DHRS9: variants seen among roughly 807,000 people sequenced by gnomAD.
DHRS9 encodes dehydrogenase/reductase SDR family member 9.
DHRS9 carries 18 observed loss-of-function variants against 26.6 expected under a neutral mutation model. The ratio of observed to expected loss-of-function variants is 0.68; its 90% confidence interval spans 0.47 to 1.00. DHRS9 has a LOEUF of 1.00. Ranked by LOEUF, DHRS9 falls within the 50% of genes least tolerant of loss-of-function variation. The probability of loss-of-function intolerance (pLI) is 0.00; values close to 1 mark genes in which losing one functional copy is unlikely to be tolerated. For synonymous variants in DHRS9, 134 were observed against 141.1 expected (o/e 0.95, Z 0.36); for missense variants, 425 against 378.7 (o/e 1.12, Z -1.01).
At chr2:169,095,190 T>C (rs1040133247) in intron 4 of DHRS9, among the ~76,000 whole-genome samples, 2 of 152,120 alleles carry the variant, frequency 1.3e-5, no homozygotes, top group African/African-American at 4.8e-5. Context: ...GGGATCAAAG[T>C]TTGATCCCTG....
At chr2:169,079,910 GGAGGGAGGGGGAGAGAGA>G (rs2105287575) in intron 1 of DHRS9, among the ~76,000 whole-genome samples, 1 of 63,156 alleles carries the variant, frequency 1.6e-5, no homozygotes, top group African/African-American at 9.7e-5. Flanking sequence ...AGGGAGGGAG[GGAGGGAGGGGGAGAGAGA>G]GAGAGAGAGA....
chr2:169,091,904 G>A lies in DHRS9; in HGVS notation c.687G>A (p.Gln229=). Residue 229 remains glutamine (Q), a synonymous_variant, in exon 4 of 5, where the codon CAG becomes CAA. Transcript: ENST00000674881. ...VIEKKLAIWE[Q]LSPDIKQQYG... Reference sequence around the variant, plus strand: ...AAAAAAAACTCGCCATTTGGGAGCAGCTGTCTCCAGACATCAAACAACAAT... The same window carrying A: ...AAAAAAAACTCGCCATTTGGGAGCAACTGTCTCCAGACATCAAACAACAAT... 6.2e-7 allele frequency: 1 copy of A among 1,614,068 alleles called. No homozygotes were observed. The highest frequency in any genetic ancestry group is 8.5e-7 in the Non-Finnish European group (1 of 1,180,002).
intron 2 of DHRS9, 28 bp from the exon 3 acceptor site, chr2:169,083,301 C>A (rs1558953112): frequency 6.2e-7 from 1 of 1,608,914 alleles, no homozygotes; most frequent in South Asian, 1.1e-5. Context: ...TGTCTTACCA[C>A]ACCTCTTTTC....
Position 169,081,627 on chromosome 2 carries a change from T to C in DHRS9, c.46T>C (p.Trp16Arg). 6.2e-7 allele frequency: 1 copy of C among 1,614,152 alleles called. No homozygotes were observed. The highest frequency in any genetic ancestry group is 8.5e-7 in the Non-Finnish European group (1 of 1,180,012). The change falls in exon 2 of 5, where the codon TGG becomes CGG. Residue 16 changes from tryptophan (W) to arginine (R), a missense_variant. Physicochemically the swap from Trp to Arg is moderately radical, Grantham distance 101 (BLOSUM62 -3). Coordinates refer to ENST00000674881, the MANE Select transcript of DHRS9 (RefSeq NM_001376924.1). ...LGLLILCGFL[W>R]TRKGKLKIED... is the part of the protein sequence containing the mutation. ...CCTCCTAATCCTCTGTGGTTTTCTG[T>C]GGACTCGTAAAGGAAAACTAAAGAT...
upstream of DHRS9, chr2:169,067,346 G>A (rs1683674300): frequency 2.0e-6 from 3 of 1,504,612 alleles, no homozygotes; most frequent in East Asian, 5.0e-5. Flanking sequence ...GTAGTTGCAG[G>A]AAGCCTAACG....
chr2:169,070,881 G>A (rs1156936972), intron 1 of DHRS9: 6 of 336,634 alleles, frequency 1.8e-5, no homozygotes, highest in South Asian at 1.2e-4. Flanking sequence ...TGGCTAACAC[G>A]GTGAAACCTG....
In DHRS9 at chr2:169,095,131, C is replaced by T. The variant is rs535542517; in HGVS notation, c.737-413C>T. Among the ~76,000 whole-genome samples, 9 of 152,238 alleles carry T rather than the reference C, an allele frequency of 5.9e-5. No individual in the cohort carries two copies. The South Asian group carries it at 1.9e-3, about 32-fold the overall frequency. On this transcript the variant is annotated intron_variant, in intron 4 of 4. Transcript: ENST00000674881. ...ACATACAACTTTCTAGGCTTAGGGG[C>T]CTCATGGGCTTTATGAAGTATCGTT...
At chr2:169,086,759 G>A (rs766166875) in intron 3 of DHRS9, among the ~76,000 whole-genome samples, 2 of 152,146 alleles carry the variant, frequency 1.3e-5, no homozygotes, top group East Asian at 1.9e-4. Flanking sequence ...GCTCATAGAG[G>A]TACCACCTTG....
intron 1 of DHRS9, among the ~76,000 whole-genome samples, chr2:169,076,715 C>T (rs1186148921): frequency 1.3e-5 from 2 of 152,138 alleles, no homozygotes; most frequent in Admixed American, 6.6e-5. Flanking sequence ...GGGATTGGGG[C>T]GCCAGTGCCC....
chr2:169,091,869 A>G lies in DHRS9; in HGVS notation c.652A>G (p.Lys218Glu). 1 of 1,614,026 alleles carries G rather than the reference A, an allele frequency of 6.2e-7. No homozygotes were observed. ...CAAAACAAACTTGGCAGATCCAGTA[A>G]AGGTAATTGAAAAAAAACTCGCCAT... Reference protein sequence around the residue: ...LFKTNLADPVKVIEKKLAIWE... With the variant: ...LFKTNLADPVEVIEKKLAIWE... The change falls in exon 4 of 5, where the codon AAG (lysine) becomes GAG (glutamate). Residue 218 changes from lysine (K) to glutamate (E), a missense_variant. Physicochemically the swap from Lys to Glu is moderately conservative, Grantham distance 56. Coordinates refer to ENST00000674881, the MANE Select transcript of DHRS9 (RefSeq NM_001376924.1).
At chr2:169,067,141 A>G (rs1683665916), upstream of DHRS9, 3 of 1,535,422 alleles carry the variant, frequency 2.0e-6, no homozygotes, top group Non-Finnish European at 2.6e-6. Flanking sequence ...AGAGGATTAC[A>G]TCATTATGCC....
intron 3 of DHRS9, among the ~76,000 whole-genome samples, chr2:169,086,714 G>A (rs1037233033): frequency 1.3e-5 from 2 of 152,156 alleles, no homozygotes; most frequent in Non-Finnish European, 2.9e-5. Flanking sequence ...TCATTAGGGG[G>A]CAACCCAAGC....
At chr2:169,074,991 A>G (rs919905948) in intron 1 of DHRS9, among the ~76,000 whole-genome samples, 3 of 151,210 alleles carry the variant, frequency 2.0e-5, no homozygotes, top group Admixed American at 1.3e-4. Flanking sequence ...TTGAGGGGGA[A>G]GCAGAATGGA....
In DHRS9 at chr2:169,069,830, A is replaced by G. The variant is rs1455430262; in HGVS notation, c.-60+113A>G. 9.9e-6 allele frequency: 9 copies of G among 908,384 alleles called. No homozygotes were observed. The South Asian group carries it at 1.5e-4, about 15-fold the overall frequency. 56.3% of individuals were successfully genotyped at this position (908,384 alleles called of 1,614,324 possible). On this transcript the variant is annotated intron_variant, in intron 1 of 4. Transcript: ENST00000674881. ...TCGGTGGTCTTTCAAGCTGTGGTCA[A>G]TGTTGCTACTTCTTTTAATGTAACA...
rs1413946054 is a variant in DHRS9 at position 169,091,517 on chromosome 2, G to T, written c.573-273G>T. The stretch of plus-strand genomic sequence containing the variant: ...AATGTCCACTTAGTCAATGATGAGA[G>T]CGTGGAGAACACTCTAGGAAGAACA... On this transcript the variant is annotated intron_variant, in intron 3 of 4. Coordinates refer to ENST00000674881, the MANE Select transcript of DHRS9 (RefSeq NM_001376924.1). Among the ~76,000 whole-genome samples, 8 of 152,186 alleles carry T rather than the reference G, an allele frequency of 5.3e-5. No individual in the cohort carries two copies. The East Asian group carries it at 7.7e-4, about 15-fold the overall frequency.
intron 1 of DHRS9, chr2:169,072,697 A>G: frequency 1.0e-6 from 1 of 969,442 alleles, no homozygotes; most frequent in Non-Finnish European, 1.2e-6. Context: ...TGTATGAAAG[A>G]CAAAACTAGT....
chr2:169,079,939 G>A (rs1372186731), intron 1 of DHRS9, among the ~76,000 whole-genome samples: 1 of 34,934 alleles, frequency 2.9e-5, no homozygotes, highest in Non-Finnish European at 6.5e-5. Context: ...GAGAGAGAGA[G>A]AGAGAGAGAG....
At position 169,095,926 on chromosome 2, in the gene DHRS9, C is replaced by T; in HGVS notation, c.*159C>T. The T allele has an allele frequency of 1.5e-6, 1 of 680,142 alleles. No individual in the cohort carries two copies. Among genetic ancestry groups the T allele is most frequent in the South Asian group, 1.9e-5 (1 of 51,912 alleles). 42.1% of individuals were successfully genotyped at this position (680,142 alleles called of 1,614,324 possible). On this transcript the variant is annotated 3_prime_UTR_variant, in exon 5 of 5. Transcript: ENST00000674881. ...GAGTCCCACCATCGCTGGTGGTATCCCAGGGTCCCTGCTCAAGTTTTCTTT... is the reference window on the plus strand; with the variant it reads ...GAGTCCCACCATCGCTGGTGGTATCTCAGGGTCCCTGCTCAAGTTTTCTTT...
rs189369123 is a variant in DHRS9, at chr2:169,078,322, A to G, written c.-59-3201A>G. ...CCCTGGTAAAAATGACAACACAAAA[A>G]CTTCCAACTCTCTGCTCTAGAGAAC... On this transcript the variant is annotated intron_variant, in intron 1 of 4. Coordinates refer to ENST00000674881, the MANE Select transcript of DHRS9 (RefSeq NM_001376924.1). Among the ~76,000 whole-genome samples, 12 of 152,242 alleles carry G rather than the reference A, an allele frequency of 7.9e-5. No homozygotes were observed. The East Asian group carries it at 1.5e-3, about 20-fold the overall frequency.
Sources: gnomAD v4.1 joint callset for allele counts (sites outside exome capture counted in the v4.1 genomes callset) on GRCh38, gnomAD v4.1.1 for gene constraint, MANE v1.5 for transcripts, NCBI Gene and HGNC (gene_info 2026-07-23, HGNC 2026-07-21) for gene names.